BEND5: variants seen among roughly 807,000 people sequenced by gnomAD.
BEND5 encodes BEN domain containing 5.
BEND5 carries 22 observed loss-of-function variants against 43.9 expected under a neutral mutation model. The observed-to-expected ratio is 0.50, with a 90% CI of 0.36 to 0.72. The LOEUF is 0.72. BEND5 is among the 30% of genes least tolerant of loss of function. The probability of loss-of-function intolerance (pLI) is 0.00; values close to 1 mark genes in which losing one functional copy is unlikely to be tolerated. For synonymous variants in BEND5, 228 were observed against 225.9 expected, an observed-to-expected ratio of 1.01 and a Z score of -0.08; for missense variants, 428 against 550.6, an observed-to-expected ratio of 0.78 and a Z score of 2.23.
intron 3 of BEND5, among the ~76,000 whole-genome samples, chr1:48,753,750 C>G (rs566838836): frequency 1.3e-5 from 2 of 152,194 alleles, no homozygotes; most frequent in Non-Finnish European, 2.9e-5. Flanking sequence ...ATAAGACTAT[C>G]GGAATTGTCC....
At position 48,736,208 on chromosome 1, in the gene BEND5, C is replaced by T; in HGVS notation, c.1108+31G>A. On this transcript the variant is annotated intron_variant, in intron 5 of 5. Coordinates refer to ENST00000371833, the MANE Select transcript of BEND5 (RefSeq NM_024603.4). This position sits in a 1 kb window ranked among gnomAD's most constrained non-coding sequence, Gnocchi z 4.0. ...TCTTGACAGAGTAAAAGACAGAATC[C>T]CAGCCATTGTGTTTCCACTCAGTGA... 6.3e-7 allele frequency: 1 copy of T among 1,587,884 alleles called. No individual in the cohort carries two copies. Among genetic ancestry groups the T allele is most frequent in the Non-Finnish European group, 8.6e-7 (1 of 1,156,428 alleles).
rs749845057 is a variant in BEND5, at chr1:48,727,988, C to G, written c.1164G>C (p.Gln388His). The G allele has an allele frequency of 8.7e-6, 14 of 1,612,434 alleles. No homozygotes were observed. Among genetic ancestry groups the G allele is most frequent in the African/African-American group, 1.3e-5 (1 of 74,876 alleles). ...QETVDETEIA[Q>H]RLSKVNKYIC... ...TGTACTTGTTGACTTTGGAGAGTCTCTGTGCAATTTCAGTTTCATCCACAG... is the reference window on the plus strand; with the variant it reads ...TGTACTTGTTGACTTTGGAGAGTCTGTGTGCAATTTCAGTTTCATCCACAG... Residue 388 changes from glutamine to histidine, a missense_variant, in exon 6 of 6, where the codon CAG becomes CAC. Gln to His is a conservative substitution (Grantham distance 24, BLOSUM62 0). Transcript: ENST00000371833.
intron 5 of BEND5, among the ~76,000 whole-genome samples, chr1:48,733,279 G>C (rs1648450407): frequency 6.6e-6 from 1 of 152,070 alleles, no homozygotes; most frequent in African/African-American, 2.4e-5. Flanking sequence ...AAGGAACAAG[G>C]TACTTAGGAA....
Position 48,766,447 on chromosome 1 carries a change from A to G in BEND5, c.227-4977T>C, listed in dbSNP as rs549230722. ...TTCCCCAGCCTAAGCTCAAAGCAGA[A>G]GACCACTTGACTCCCACTTTCTTGC... On this transcript the variant is annotated intron_variant, in intron 1 of 5. Coordinates refer to ENST00000371833, the MANE Select transcript of BEND5 (RefSeq NM_024603.4). 2.6e-5 allele frequency among the ~76,000 whole-genome samples: 4 copies of G among 152,330 alleles called. No homozygotes were observed. The East Asian group carries it at 7.7e-4, about 29-fold the overall frequency.
At chr1:48,740,206 G>A (rs1314817312) in intron 4 of BEND5, among the ~76,000 whole-genome samples, 2 of 152,212 alleles carry the variant, frequency 1.3e-5, no homozygotes, top group Non-Finnish European at 2.9e-5. Flanking sequence ...ATAGGCCGGG[G>A]CATTTGAGAC....
intron 3 of BEND5, among the ~76,000 whole-genome samples, chr1:48,746,293 G>A (rs903111221): frequency 1.3e-5 from 2 of 151,986 alleles, no homozygotes; most frequent in Admixed American, 6.6e-5. Context: ...ACACTTGTGC[G>A]CTTAAGTTCG....
At position 48,736,343 on chromosome 1, in the gene BEND5, G is replaced by A. The variant is rs774693643; in HGVS notation, c.1004C>T (p.Thr335Ile). The A allele has an allele frequency of 1.2e-6, 2 of 1,614,012 alleles. No homozygotes were observed. Among genetic ancestry groups the A allele is most frequent in the Non-Finnish European group, 1.7e-6 (2 of 1,180,022 alleles). The stretch of plus-strand genomic sequence containing the variant: ...GACGCTTCTGTTTTTCAGAACATCT[G>A]TTCCCCAAATCATAACTGCCAAGTT... ...TKNLAVMIWG[T>I]DVLKNRSVTG... Residue 335 changes from threonine to isoleucine, a missense_variant, in exon 5 of 6, where the codon ACA becomes ATA. Thr to Ile is a moderately conservative substitution (Grantham distance 89). This residue lies in a region of BEND5 where 75 missense variants were observed against 148.5 expected (regional missense o/e 0.50). Transcript: ENST00000371833. The surrounding 1 kb of genome is among the most constrained non-coding windows in gnomAD (Gnocchi z 4.0).
intron 2 of BEND5, among the ~76,000 whole-genome samples, chr1:48,759,763 G>A (rs1644155849): frequency 6.6e-6 from 1 of 152,128 alleles, no homozygotes; most frequent in Non-Finnish European, 1.5e-5. Flanking sequence ...TCCCCTAAAG[G>A]CAATTCACCA....
chr1:48,736,569 G>A lies in BEND5; in HGVS notation c.895-117C>T, dbSNP rs1048657346. The stretch of plus-strand genomic sequence containing the variant: ...TGTAAGAGATTCATGTCATAAATAT[G>A]AAATTAACTCTCTTTAAGGGTAATC... On this transcript the variant is annotated intron_variant, in intron 4 of 5. Transcript: ENST00000371833. The surrounding 1 kb of genome is among the most constrained non-coding windows in gnomAD (Gnocchi z 4.0). 6.1e-6 allele frequency: 5 copies of A among 825,490 alleles called. No homozygotes were observed. The highest frequency in any genetic ancestry group is 9.7e-6 in the Non-Finnish European group (5 of 514,998). 51.1% of individuals were successfully genotyped at this position (825,490 alleles called of 1,614,324 possible). A position where few individuals can be genotyped will look rare whatever the true frequency, so the allele number is the denominator to read the frequency against.
In BEND5 at chr1:48,755,674, C is replaced by T. The variant is rs552369533; in HGVS notation, c.745+3226G>A. Among the ~76,000 whole-genome samples, 5 of 152,278 alleles carry T rather than the reference C, an allele frequency of 3.3e-5. No individual in the cohort carries two copies. In the East Asian group the frequency reaches 9.7e-4, roughly 29 times the overall value. The stretch of plus-strand genomic sequence containing the variant: ...GGTGTTTATAGATCAGGATCTGTTA[C>T]AGCAAGGGGATATCTTACCAGACTT... On this transcript the variant is annotated intron_variant, in intron 3 of 5. Coordinates refer to ENST00000371833, the MANE Select transcript of BEND5 (RefSeq NM_024603.4).
intron 1 of BEND5, among the ~76,000 whole-genome samples, chr1:48,771,873 T>C (rs1557976444): frequency 6.6e-6 from 1 of 152,108 alleles, no homozygotes; most frequent in Non-Finnish European, 1.5e-5. Context: ...TTCCCCCAAG[T>C]GTGGGGTTTC....
At chr1:48,740,951 C>A (rs1436584136) in intron 4 of BEND5, among the ~76,000 whole-genome samples, 2 of 152,146 alleles carry the variant, frequency 1.3e-5, no homozygotes, top group Non-Finnish European at 2.9e-5. Flanking sequence ...CTGGCAAAAA[C>A]CAATGAAAAA....
At chr1:48,750,182 A>G (rs773103216) in intron 3 of BEND5, among the ~76,000 whole-genome samples, 6 of 152,196 alleles carry the variant, frequency 3.9e-5, no homozygotes, top group Non-Finnish European at 7.3e-5. Context: ...TGCCTGACTC[A>G]GAGGAAAATA....
intron 2 of BEND5, 162 bp downstream of exon 2, chr1:48,761,175 A>T: frequency 1.3e-6 from 1 of 780,770 alleles, no homozygotes; most frequent in Non-Finnish European, 2.0e-6. Context: ...AGCAAGGCAA[A>T]TACACACGAG....
At chr1:48,775,066 C>T (rs978431344) in intron 1 of BEND5, among the ~76,000 whole-genome samples, 3 of 152,216 alleles carry the variant, frequency 2.0e-5, no homozygotes, top group African/African-American at 7.2e-5. Context: ...TCCTTTCCCT[C>T]AGGTAATTAA....
intron 2 of BEND5, chr1:48,759,496 G>C (rs1644140455): frequency 3.0e-6 from 3 of 990,630 alleles, no homozygotes; most frequent in Admixed American, 3.2e-5. Context: ...TGGGGAAGGG[G>C]CTTGCCCAAA....
intron 5 of BEND5, among the ~76,000 whole-genome samples, chr1:48,731,834 T>C (rs1336704030): frequency 6.6e-6 from 1 of 152,180 alleles, no homozygotes; most frequent in East Asian, 1.9e-4. Context: ...GTTTAGAAGC[T>C]TACCCTTCAA....
intron 3 of BEND5, among the ~76,000 whole-genome samples, chr1:48,750,146 C>T (rs576558173): frequency 6.3e-4 from 96 of 152,304 alleles, no homozygotes; most frequent in African/African-American, 2.2e-3. Flanking sequence ...TGGGATTCAT[C>T]TTTGCTAAAT....
At chr1:48,760,374 T>C (rs1299735121) in intron 2 of BEND5, among the ~76,000 whole-genome samples, 1 of 152,098 alleles carries the variant, frequency 6.6e-6, no homozygotes, top group Non-Finnish European at 1.5e-5. Context: ...AGTTCTAAGT[T>C]TCAGGAAATT....
Sources: gnomAD v4.1 joint callset for allele counts (sites outside exome capture counted in the v4.1 genomes callset) on GRCh38, gnomAD v4.1.1 for gene constraint, gnomAD v4.1.1 regional missense constraint, Gnocchi (gnomAD v3.1) non-coding constraint, MANE v1.5 for transcripts, NCBI Gene and HGNC (gene_info 2026-07-23, HGNC 2026-07-21) for gene names.